The following ACSM1 variants were observed in gnomAD, a reference collection of about 807,000 sequenced individuals.
ACSM1 encodes acyl-coenzyme A synthetase ACSM1, mitochondrial.
ACSM1 carries 79 observed loss-of-function variants against 75.8 expected under a neutral mutation model. The ratio of observed to expected loss-of-function variants is 1.04; its 90% confidence interval spans 0.87 to 1.26. The LOEUF (loss-of-function observed/expected upper bound fraction) is 1.26, where lower values mean the gene tolerates loss of function less well. ACSM1 is among the 50% of genes most tolerant of loss of function. The probability of loss-of-function intolerance (pLI) is 0.00; values close to 1 mark genes in which losing one functional copy is unlikely to be tolerated. For missense variants in ACSM1, 676 were observed against 720.1 expected (o/e 0.94, Z 0.70); for synonymous variants, 279 against 265.8 (o/e 1.05, Z -0.48).
chr16:20,697,570 C>G (rs2079696649), intron 1 of ACSM1, 66 bp downstream of exon 1: 1 of 129,244 alleles, frequency 7.7e-6, no homozygotes, highest in Admixed American at 8.5e-5. Flanking sequence ...CACACACACA[C>G]ACACACACAC....
chr16:20,655,399 AAAAAT>A (rs917983786), intron 7 of ACSM1, among the ~76,000 whole-genome samples: 232 of 152,190 alleles, frequency 1.5e-3, no homozygotes, highest in African/African-American at 5.3e-3. Context: ...AAGTATAATA[AAAAAT>A]AAAATAAAAT....
chr16:20,655,253 T>TGGGGGGA (rs2018890840), intron 7 of ACSM1, among the ~76,000 whole-genome samples: 1 of 62,170 alleles, frequency 1.6e-5, no homozygotes, highest in Non-Finnish European at 2.9e-5. Context: ...TGTTGTGGGG[T>TGGGGGGA]GGGGGGAGGG....
intron 10 of ACSM1, among the ~76,000 whole-genome samples, chr16:20,632,043 C>T (rs1009231044): frequency 6.6e-6 from 1 of 152,134 alleles, no homozygotes; most frequent in Non-Finnish European, 1.5e-5. Flanking sequence ...ACCCCATGCT[C>T]ACGATATAAT....
chr16:20,649,001 TC>T (rs951046462), intron 7 of ACSM1, among the ~76,000 whole-genome samples: 110 of 152,302 alleles, frequency 7.2e-4, no homozygotes, highest in African/African-American at 2.6e-3. Flanking sequence ...TTTCTGTAAA[TC>T]CTCGAGAAGT....
intron 6 of ACSM1, among the ~76,000 whole-genome samples, chr16:20,662,851 G>A (rs906074770): frequency 6.6e-6 from 1 of 151,932 alleles, no homozygotes; most frequent in East Asian, 1.9e-4. Context: ...ACCCCAACAG[G>A]TGTCTTTACA....
intron 6 of ACSM1, among the ~76,000 whole-genome samples, chr16:20,663,298 A>AC (rs1338077153): frequency 2.0e-5 from 3 of 151,690 alleles, no homozygotes; most frequent in African/African-American, 7.3e-5. Flanking sequence ...CTACTTTTCT[A>AC]CCCCCATGTC....
At chr16:20,626,362 AAATAAAAAAT>A (rs1231327919) in intron 11 of ACSM1, among the ~76,000 whole-genome samples, 2 of 151,914 alleles carry the variant, frequency 1.3e-5, no homozygotes, top group African/African-American at 4.8e-5. Flanking sequence ...AAATAAAATA[AAATAAAAAAT>A]AAAATAAAAA....
chr16:20,646,496 C>A (rs533457864), intron 7 of ACSM1, among the ~76,000 whole-genome samples: 40 of 152,286 alleles, frequency 2.6e-4, no homozygotes, highest in African/African-American at 9.1e-4. Context: ...ACTGGCACGG[C>A]CTTCTCAGTC....
chr16:20,688,583 C>T (rs1408644145), intron 2 of ACSM1, among the ~76,000 whole-genome samples: 2 of 152,056 alleles, frequency 1.3e-5, no homozygotes, highest in East Asian at 3.9e-4. Context: ...GTGGATTTCT[C>T]AGTAGAAACC....
chr16:20,685,230 A>G lies in ACSM1; in HGVS notation c.366T>C (p.Pro122=). ...DHLALMLPRV[P]EWWLVAVGCM... The stretch of plus-strand genomic sequence containing the variant: ...AGCCCACAGCCACCAGCCACCACTC[A>G]GGAACTCGAGGCAGCATCAAGGCCA... The change falls in exon 3 of 14, where the codon CCT becomes CCC. Residue 122 remains proline, a synonymous_variant. Coordinates refer to ENST00000520010, the MANE Select transcript of ACSM1 (RefSeq NM_001318890.3). The G allele has an allele frequency of 6.2e-7, 1 of 1,614,166 alleles. No individual in the cohort carries two copies. Among genetic ancestry groups the G allele is most frequent in the Non-Finnish European group, 8.5e-7 (1 of 1,180,018 alleles).
chr16:20,651,900 T>C (rs1018725993), intron 7 of ACSM1, among the ~76,000 whole-genome samples: 1 of 152,164 alleles, frequency 6.6e-6, no homozygotes. Flanking sequence ...ATTGATCAAA[T>C]GGTTTCATGT....
Position 20,669,971 on chromosome 16 carries a change from G to C in ACSM1, c.768C>G (p.Ser256Arg), listed in dbSNP as rs771763513. Residue 256 changes from serine to arginine, a missense_variant, in exon 6 of 14, where the codon AGC becomes AGG. Transcript: ENST00000520010. Reference protein sequence around the residue: ...PSFPGSRKLRSLKTSDVSWCL... With the variant: ...PSFPGSRKLRRLKTSDVSWCL... ...ACCAGGAGACATCAGATGTCTTCAG[G>C]CTCCGTAATTTCCTACTAACTCCAA... 4.0e-5 allele frequency: 64 copies of C among 1,613,548 alleles called. No homozygotes were observed. The highest frequency in any genetic ancestry group is 4.7e-5 in the Non-Finnish European group (55 of 1,179,836).
At chr16:20,630,888 A>G (rs910221379) in intron 10 of ACSM1, among the ~76,000 whole-genome samples, 2 of 152,256 alleles carry the variant, frequency 1.3e-5, no homozygotes, top group Non-Finnish European at 2.9e-5. Flanking sequence ...AATTTTCCCA[A>G]TCTTTGCAAA....
In ACSM1 at chr16:20,669,854, TGGC is replaced by T; in HGVS notation, c.882_884del (p.Pro295del). 6.2e-7 allele frequency: 1 copy of T among 1,613,994 alleles called. No homozygotes were observed. Among genetic ancestry groups the T allele is most frequent in the Non-Finnish European group, 8.5e-7 (1 of 1,179,896 alleles). ...GTATGATGACCTTGGTGTCAAACTG[TGGC>T]AGATGGTGGATAAAGACTGTACAAC... On this transcript the variant is annotated inframe_deletion, in exon 6 of 14. Transcript: ENST00000520010.
chr16:20,688,517 T>A (rs1191148776), intron 2 of ACSM1, among the ~76,000 whole-genome samples: 1 of 152,098 alleles, frequency 6.6e-6, no homozygotes, highest in Non-Finnish European at 1.5e-5. Context: ...ATAATTAAAC[T>A]GAAATCAGCA....
intron 7 of ACSM1, among the ~76,000 whole-genome samples, chr16:20,657,674 G>A (rs1367123083): frequency 6.6e-6 from 1 of 151,934 alleles, no homozygotes; most frequent in Admixed American, 6.6e-5. Flanking sequence ...TGTTACATAT[G>A]GATACATGTG....
chr16:20,673,316 A>T (rs1252719626), intron 4 of ACSM1, among the ~76,000 whole-genome samples: 1 of 151,978 alleles, frequency 6.6e-6, no homozygotes. Context: ...TCCCAACACG[A>T]GAGGAAACAC....
chr16:20,675,917 A>G (rs2020248830), intron 4 of ACSM1, among the ~76,000 whole-genome samples: 1 of 152,198 alleles, frequency 6.6e-6, no homozygotes, highest in Non-Finnish European at 1.5e-5. Flanking sequence ...CAAAAGTGAA[A>G]AGTGAAAGCC....
At chr16:20,686,546 G>C (rs12050994) in intron 2 of ACSM1, among the ~76,000 whole-genome samples, 181 of 152,216 alleles carry the variant, frequency 1.2e-3, no homozygotes, top group African/African-American at 4.1e-3. Flanking sequence ...TAGATGACCA[G>C]TTGATAGGTG....
Sources: gnomAD v4.1 joint callset for allele counts (sites outside exome capture counted in the v4.1 genomes callset) on GRCh38, gnomAD v4.1.1 for gene constraint, MANE v1.5 for transcripts, NCBI Gene and HGNC (gene_info 2026-07-23, HGNC 2026-07-21) for gene names.